The following PCDHGA2 variants were observed in gnomAD, a reference collection of about 807,000 sequenced individuals.
PCDHGA2 encodes protocadherin gamma-A2.
A neutral mutation model predicts 59.2 loss-of-function variants in PCDHGA2; 40 were observed. The ratio of observed to expected loss-of-function variants is 0.68; its 90% CI spans 0.52 to 0.88. The LOEUF is 0.88. PCDHGA2 is among the 40% of genes least tolerant of loss of function. PCDHGA2 has a pLI of 0.00. For missense variants in PCDHGA2, 1,226 were observed against 1,204.0 expected (o/e 1.02, Z -0.27); for synonymous variants, 560 against 526.0 (o/e 1.06, Z -0.89).
At chr5:141,384,070 C>A (rs762136393) in intron 1 of PCDHGA2, 2 of 1,603,864 alleles carry the variant, frequency 1.2e-6, no homozygotes, top group Admixed American at 3.4e-5. Context: ...AGAAAACCTA[C>A]CTTTTAAATT....
At chr5:141,395,111 T>G in intron 1 of PCDHGA2, 1 of 1,613,670 alleles carries the variant, frequency 6.2e-7, no homozygotes, top group Middle Eastern at 1.7e-4. Flanking sequence ...CGCGGAAGAG[T>G]CACCTGATCT....
At chr5:141,453,083 A>G (rs1404530649) in intron 1 of PCDHGA2, among the ~76,000 whole-genome samples, 1 of 152,044 alleles carries the variant, frequency 6.6e-6, no homozygotes, top group African/African-American at 2.4e-5. Flanking sequence ...CTGGTTGATT[A>G]GTATATTTTC....
intron 1 of PCDHGA2, chr5:141,395,272 G>C (rs750503990): frequency 6.5e-7 from 1 of 1,544,348 alleles, no homozygotes; most frequent in Admixed American, 2.1e-5. Context: ...TTAATTTCCA[G>C]ATGAATTTTA....
At chr5:141,394,507 C>T in intron 1 of PCDHGA2, 1 of 1,614,214 alleles carries the variant, frequency 6.2e-7, no homozygotes, top group South Asian at 1.1e-5. Flanking sequence ...ATCCTGTACC[C>T]CGCCCTCCCC....
At chr5:141,439,727 C>G (rs940325016) in intron 1 of PCDHGA2, 2 of 152,406 alleles carry the variant, frequency 1.3e-5, no homozygotes, top group Non-Finnish European at 2.9e-5. Context: ...AAATTATAAG[C>G]AGGAACGGAA....
At position 141,490,181 on chromosome 5, in the gene PCDHGA2, G is replaced by A. The variant is rs755899660; in HGVS notation, c.2425-4626G>A. ...GGTCCCATAGACTTTGAGGAGTCACGTTTCTATGAAATTCATGCAAGAGCC... is the reference window on the plus strand; with the variant it reads ...GGTCCCATAGACTTTGAGGAGTCACATTTCTATGAAATTCATGCAAGAGCC... On this transcript the variant is annotated intron_variant, in intron 1 of 3. Coordinates refer to ENST00000394576, the MANE Select transcript of PCDHGA2 (RefSeq NM_018915.4). This position sits in a 1 kb window ranked among gnomAD's most constrained non-coding sequence, Gnocchi z 5.4. The A allele has an allele frequency of 9.9e-6, 16 of 1,614,200 alleles. No homozygotes were observed. Among genetic ancestry groups the A allele is most frequent in the Middle Eastern group, 1.6e-4 (1 of 6,062 alleles).
chr5:141,350,941 C>G (rs374757232), intron 1 of PCDHGA2: 7 of 1,613,958 alleles, frequency 4.3e-6, no homozygotes, highest in Non-Finnish European at 5.9e-6. Flanking sequence ...ATATCTGGAT[C>G]CGAGTTACGG....
intron 1 of PCDHGA2, chr5:141,364,200 A>G: frequency 8.9e-7 from 1 of 1,126,004 alleles, no homozygotes; most frequent in Non-Finnish European, 1.2e-6. Flanking sequence ...CACACAGACC[A>G]GACAAGCTCC....
intron 1 of PCDHGA2, chr5:141,424,083 C>T (rs2096798692): frequency 4.2e-6 from 4 of 957,190 alleles, no homozygotes; most frequent in Non-Finnish European, 5.1e-6. Flanking sequence ...TATATTCCAC[C>T]ATTATTTGCT....
intron 1 of PCDHGA2, chr5:141,427,778 A>T: frequency 1.4e-6 from 2 of 1,436,676 alleles, no homozygotes; most frequent in Non-Finnish European, 1.9e-6. Context: ...AGCTGCGGGC[A>T]CTGTCGTCCT....
rs1758946839 is a variant in PCDHGA2 at position 141,352,203 on chromosome 5, C to T, written c.2424+10808C>T. On this transcript the variant is annotated intron_variant, in intron 1 of 3. Transcript: ENST00000394576. ...GTCGCTGTGCGTGATGGAGGACAGC[C>T]GCCACTCTCCGCCACCGCCACGCTG... The T allele has an allele frequency of 6.2e-7, 1 of 1,614,014 alleles. No homozygotes were observed. The highest frequency in any genetic ancestry group is 8.5e-7 in the Non-Finnish European group (1 of 1,179,902).
intron 1 of PCDHGA2, chr5:141,374,277 G>C: frequency 1.2e-6 from 2 of 1,613,958 alleles, no homozygotes; most frequent in African/African-American, 1.3e-5. Context: ...CACGGAGTCC[G>C]CATCGTCTCC....
intron 1 of PCDHGA2, chr5:141,357,818 C>A (rs569420101): frequency 1.4e-6 from 1 of 707,926 alleles, no homozygotes; most frequent in Non-Finnish European, 2.3e-6. Context: ...ATTACTTATC[C>A]TTTTTGGTCT....
chr5:141,368,946 T>C (rs1330631003), intron 1 of PCDHGA2, among the ~76,000 whole-genome samples: 1 of 152,202 alleles, frequency 6.6e-6, no homozygotes, highest in Non-Finnish European at 1.5e-5. Context: ...CTGGTTACTG[T>C]GAGTAGTTTA....
chr5:141,374,250 C>T lies in PCDHGA2; in HGVS notation c.2424+32855C>T, dbSNP rs533179881. The T allele has an allele frequency of 2.5e-6, 4 of 1,613,890 alleles. No homozygotes were observed. The African/African-American group carries it at 5.3e-5, about 22-fold the overall frequency. ...ATCGTCAAGGATCTGGGACTGGAGC[C>T]CCAGGAGTTGGCGGAGCACGGAGTC... On this transcript the variant is annotated intron_variant, in intron 1 of 3. Transcript: ENST00000394576.
chr5:141,489,271 G>A lies in PCDHGA2; in HGVS notation c.2425-5536G>A, dbSNP rs1431562179. The A allele has an allele frequency of 2.4e-5, 37 of 1,554,676 alleles. No individual in the cohort carries two copies. The highest frequency in any genetic ancestry group is 3.0e-5 in the Non-Finnish European group (35 of 1,150,770). ...GCCCAAGACACTCCCACAGCTCGCT[G>A]GGAAATGGCAAGTGCTGTGCATGTT... On this transcript the variant is annotated intron_variant, in intron 1 of 3. Transcript: ENST00000394576. The surrounding 1 kb of genome is among the most constrained non-coding windows in gnomAD (Gnocchi z 4.5).
intron 1 of PCDHGA2, among the ~76,000 whole-genome samples, chr5:141,369,057 G>A (rs907839197): frequency 1.4e-4 from 22 of 152,206 alleles, no homozygotes; most frequent in African/African-American, 5.1e-4. Flanking sequence ...ACATTATGTA[G>A]GCTAAAGATA....
rs765912906 is a variant in PCDHGA2 at position 141,355,935 on chromosome 5, C to G, written c.2424+14540C>G. The stretch of plus-strand genomic sequence containing the variant: ...ATAATGCTCCCGTGTTCACTCAGCC[C>G]GAGTACCACGTAAGTGTTCGTGAGA... On this transcript the variant is annotated intron_variant, in intron 1 of 3. Coordinates refer to ENST00000394576, the MANE Select transcript of PCDHGA2 (RefSeq NM_018915.4). 4.3e-6 allele frequency: 7 copies of G among 1,613,658 alleles called. No individual in the cohort carries two copies. In the South Asian group the frequency reaches 7.7e-5, roughly 18 times the overall value.
chr5:141,364,800 C>G (rs2149865831), intron 1 of PCDHGA2: 12 of 1,613,952 alleles, frequency 7.4e-6, no homozygotes, highest in Non-Finnish European at 1.0e-5. Context: ...CTTCCCTTCG[C>G]GCGGGATGCG....
Sources: allele counts gnomAD v4.1 joint callset (sites outside exome capture counted in the v4.1 genomes callset), GRCh38; gene constraint gnomAD v4.1.1; non-coding constraint Gnocchi (gnomAD v3.1); transcripts MANE v1.5; gene names NCBI Gene and HGNC (gene_info 2026-07-23, HGNC 2026-07-21).